Variants in MTMR14 observed in about 807,000 individuals in gnomAD.
The protein encoded by MTMR14 is phosphatidylinositol-3,5-bisphosphate 3-phosphatase MTMR14.
MTMR14 carries 48 observed loss-of-function variants against 86.3 expected under a neutral mutation model. That is an observed-to-expected ratio of 0.56 (90% CI 0.44 to 0.71). The LOEUF (loss-of-function observed/expected upper bound fraction) is 0.71, where lower values mean the gene tolerates loss of function less well. Ranked by LOEUF, MTMR14 falls within the 30% of genes least tolerant of loss-of-function variation. The pLI is 0.00. For synonymous variants in MTMR14, 366 were observed against 326.1 expected, an observed-to-expected ratio of 1.12 and a Z score of -1.32; for missense variants, 780 against 834.6, an observed-to-expected ratio of 0.93 and a Z score of 0.81.
intron 3 of MTMR14, among the ~76,000 whole-genome samples, chr3:9,665,011 C>T (rs1459755010): frequency 1.3e-5 from 2 of 152,054 alleles, no homozygotes; most frequent in Non-Finnish European, 2.9e-5. Context: ...CGGCCGGGCA[C>T]GATGGCTCAT....
chr3:9,653,741 T>A lies in MTMR14; in HGVS notation c.280T>A (p.Tyr94Asn). 1 of 1,613,762 alleles carries A rather than the reference T, an allele frequency of 6.2e-7. No individual in the cohort carries two copies. The highest frequency in any genetic ancestry group is 2.2e-5 in the East Asian group (1 of 44,874). ...HYPRHIVFLE[Y>N]ESSEKEKDTF... ...TCCCCGGCACATCGTGTTCCTGGAGTATGAGAGTTCTGAGAAGGAGAAAGA... is the reference window on the plus strand; with the variant it reads ...TCCCCGGCACATCGTGTTCCTGGAGAATGAGAGTTCTGAGAAGGAGAAAGA... Residue 94 changes from tyrosine to asparagine, a missense_variant, in exon 2 of 19, where the codon TAT (tyrosine) becomes AAT (asparagine). Physicochemically the swap from Tyr to Asn is moderately radical, Grantham distance 143. Coordinates refer to ENST00000296003, the MANE Select transcript of MTMR14 (RefSeq NM_001077525.3).
intron 3 of MTMR14, among the ~76,000 whole-genome samples, chr3:9,666,048 G>A (rs570286455): frequency 6.6e-6 from 1 of 150,644 alleles, no homozygotes; most frequent in South Asian, 2.1e-4. Flanking sequence ...AATTTTTAAG[G>A]CTTGAAGCAA....
At chr3:9,684,407 C>T (rs1234360469) in intron 10 of MTMR14, among the ~76,000 whole-genome samples, 178 bp from the exon 11 acceptor site, 2 of 152,146 alleles carry the variant, frequency 1.3e-5, no homozygotes, top group African/African-American at 4.8e-5. Context: ...CAAAGCCAGA[C>T]GCCTGCCACT....
intron 13 of MTMR14, among the ~76,000 whole-genome samples, chr3:9,687,170 G>A (rs1380742752): frequency 6.6e-6 from 1 of 152,206 alleles, no homozygotes; most frequent in Non-Finnish European, 1.5e-5. Context: ...ATCTCTCCCT[G>A]GGAATCTTAG....
intron 4 of MTMR14, 89 bp downstream of exon 4, chr3:9,668,883 T>C (rs1437150795): frequency 5.2e-6 from 7 of 1,342,834 alleles, no homozygotes; most frequent in Non-Finnish European, 7.5e-6. Context: ...CTCACGCCTG[T>C]AATCTCAACA....
intron 9 of MTMR14, among the ~76,000 whole-genome samples, chr3:9,680,523 C>T (rs1205305574): frequency 6.6e-6 from 1 of 152,238 alleles, no homozygotes; most frequent in Non-Finnish European, 1.5e-5. Context: ...GCAGTCTGGT[C>T]TTGCCTGTTC....
chr3:9,680,627 C>T (rs1312903198), intron 9 of MTMR14, among the ~76,000 whole-genome samples: 5 of 152,166 alleles, frequency 3.3e-5, no homozygotes, highest in African/African-American at 7.2e-5. Context: ...GGGCAGATCA[C>T]GAGGGCAGGA....
chr3:9,686,369 T>C (rs1043809171), intron 13 of MTMR14, among the ~76,000 whole-genome samples: 16 of 152,202 alleles, frequency 1.1e-4, no homozygotes, highest in Non-Finnish European at 1.6e-4. Context: ...GCAGACCAGA[T>C]CTGCCTGCAG....
chr3:9,672,536 A>G (rs1245179434), intron 6 of MTMR14, 149 bp from the exon 7 acceptor site: 1 of 738,826 alleles, frequency 1.4e-6, no homozygotes, highest in South Asian at 1.5e-5. Context: ...TAATTGTACA[A>G]AGTAGGCACT....
chr3:9,679,129 A>G (rs2075677065), intron 9 of MTMR14, among the ~76,000 whole-genome samples: 1 of 152,158 alleles, frequency 6.6e-6, no homozygotes, highest in Admixed American at 6.5e-5. Flanking sequence ...TTTTCTCTAT[A>G]TATATCCAGA....
At chr3:9,693,311 G>A (rs994685522) in intron 17 of MTMR14, among the ~76,000 whole-genome samples, 1 of 152,178 alleles carries the variant, frequency 6.6e-6, no homozygotes, top group Non-Finnish European at 1.5e-5. Context: ...AGATAATCGA[G>A]ATGATTTAAA....
Position 9,687,840 on chromosome 3 carries a change from A to G in MTMR14, c.1184A>G (p.Asn395Ser). Reference sequence around the variant, plus strand: ...CTTTAGATTTTCTTCTTCTGCTTCAATTTTTTGAAGCATATTACCTCCGAG... The same window carrying G: ...CTTTAGATTTTCTTCTTCTGCTTCAGTTTTTTGAAGCATATTACCTCCGAG... ...KGEEIFFFCF[N>S]FLKHITSEEF... is the part of the protein sequence containing the mutation. Residue 395 changes from asparagine to serine, a missense_variant, in exon 14 of 19, where the codon AAT becomes AGT. Asn to Ser is a conservative substitution (Grantham distance 46). Coordinates refer to ENST00000296003, the MANE Select transcript of MTMR14 (RefSeq NM_001077525.3). 1.3e-6 allele frequency: 2 copies of G among 1,581,320 alleles called. No individual in the cohort carries two copies. The highest frequency in any genetic ancestry group is 1.7e-6 in the Non-Finnish European group (2 of 1,160,946).
intron 7 of MTMR14, among the ~76,000 whole-genome samples, 173 bp downstream of exon 7, chr3:9,672,931 G>T (rs2048653957): frequency 6.6e-6 from 1 of 152,238 alleles, no homozygotes. Flanking sequence ...GCATAGGATA[G>T]TGTCCTGGGG....
At chr3:9,694,413 CAG>C (rs944569706) in intron 17 of MTMR14, among the ~76,000 whole-genome samples, 6 of 152,054 alleles carry the variant, frequency 3.9e-5, no homozygotes, top group African/African-American at 1.4e-4. Flanking sequence ...AGGCCAAGGT[CAG>C]AGAATCGTTT....
intron 2 of MTMR14, among the ~76,000 whole-genome samples, chr3:9,657,087 T>A (rs4314157): frequency 0.088 from 13,320 of 151,960 alleles, 586 homozygotes; most frequent in Admixed American, 0.11. Context: ...TGATTTTTTT[T>A]AATTTTTAGT....
intron 5 of MTMR14, among the ~76,000 whole-genome samples, chr3:9,670,825 T>G (rs886678296): frequency 1.6e-4 from 25 of 152,240 alleles, no homozygotes; most frequent in Non-Finnish European, 8.8e-5. Flanking sequence ...CAAATTTCTC[T>G]TCTTTGAAAT....
intron 17 of MTMR14, among the ~76,000 whole-genome samples, chr3:9,696,056 A>G (rs891888113): frequency 1.3e-5 from 2 of 152,182 alleles, no homozygotes; most frequent in African/African-American, 4.8e-5. Flanking sequence ...CGCACCTTCT[A>G]GAGTTTAGCA....
At chr3:9,660,969 C>T (rs2047894672) in intron 2 of MTMR14, among the ~76,000 whole-genome samples, 1 of 152,090 alleles carries the variant, frequency 6.6e-6, no homozygotes, top group African/African-American at 2.4e-5. Context: ...GAGAGCGGAC[C>T]CTTATTTTAG....
Position 9,662,455 on chromosome 3 carries a change from T to A in MTMR14, c.417+80T>A, listed in dbSNP as rs1286834298. The A allele has an allele frequency of 5.9e-6, 7 of 1,188,006 alleles. No homozygotes were observed. The Admixed American group carries it at 1.1e-4, about 19-fold the overall frequency. The allele number at this position is 1,188,006 out of a possible 1,614,324, so 73.6% of individuals were successfully genotyped here. ...TTACTGCAAAGTATAGGGTCTTTTT[T>A]TCCCTCAACATTAGTAGCCAAGCAT... On this transcript the variant is annotated intron_variant, in intron 3 of 18. Coordinates refer to ENST00000296003, the MANE Select transcript of MTMR14 (RefSeq NM_001077525.3).
Sources: gnomAD v4.1 joint callset for allele counts (sites outside exome capture counted in the v4.1 genomes callset) on GRCh38, gnomAD v4.1.1 for gene constraint, MANE v1.5 for transcripts, NCBI Gene and HGNC (gene_info 2026-07-23, HGNC 2026-07-21) for gene names.